SFTPB: variants seen among roughly 807,000 people sequenced by gnomAD.
SFTPB encodes the protein pulmonary surfactant-associated protein B.
Under a neutral mutation model 51.0 loss-of-function variants are expected in SFTPB, and 32 were observed. The ratio of observed to expected loss-of-function variants is 0.63; its 90% CI spans 0.47 to 0.84. The LOEUF (loss-of-function observed/expected upper bound fraction) is 0.84. Among genes scored for constraint, SFTPB ranks in the 40% least tolerant of loss-of-function variants. The pLI, the probability that SFTPB is intolerant of heterozygous loss-of-function variation, is 0.00. For synonymous variants in SFTPB, 211 were observed against 208.5 expected, an observed-to-expected ratio of 1.01 and a Z score of -0.10; for missense variants, 431 against 491.2, an observed-to-expected ratio of 0.88 and a Z score of 1.16.
At chr2:85,666,863 G>C in intron 3 of SFTPB, 121 bp from the exon 4 acceptor site, 1 of 1,306,064 alleles carries the variant, frequency 7.7e-7, no homozygotes, top group Non-Finnish European at 1.1e-6. Context: ...TGGAGTTCAC[G>C]AGTGCCAAGG....
At chr2:85,663,261 G>A (rs1395483528) in intron 8 of SFTPB, 85 bp downstream of exon 8, 1 of 1,568,928 alleles carries the variant, frequency 6.4e-7, no homozygotes, top group Admixed American at 1.7e-5. Context: ...CATCCTAGGT[G>A]TCTCTGGCTG....
chr2:85,664,159 G>T (rs2104403494), intron 6 of SFTPB, among the ~76,000 whole-genome samples: 1 of 152,268 alleles, frequency 6.6e-6, no homozygotes, highest in African/African-American at 2.4e-5. Flanking sequence ...TCAGCTGCTT[G>T]CCTGACTCTC....
At chr2:85,665,228 G>C in intron 6 of SFTPB, 61 bp downstream of exon 6, 4 of 1,219,284 alleles carry the variant, frequency 3.3e-6, no homozygotes, top group South Asian at 2.4e-5. Flanking sequence ...AGAGGTGGGA[G>C]CTGCAGGGAG....
In SFTPB at chr2:85,665,770, G is replaced by T; in HGVS notation, c.418C>A (p.Leu140Met). The change falls in exon 5 of 11, where the codon CTG becomes ATG. Residue 140 changes from leucine to methionine, a missense_variant. Transcript: ENST00000519937. ...QTDSNGICMHLGLCKSRQPEP... is the reference protein window; with the variant it reads ...QTDSNGICMHMGLCKSRQPEP... Reference sequence around the variant, plus strand: ...GGCTGCCGGGATTTGCACAGGCCCAGGTGCATACAGATGCCGTTTGAGTCC... The same window carrying T: ...GGCTGCCGGGATTTGCACAGGCCCATGTGCATACAGATGCCGTTTGAGTCC... 1 of 1,614,236 alleles carries T rather than the reference G, an allele frequency of 6.2e-7. No homozygotes were observed. The highest frequency in any genetic ancestry group is 8.5e-7 in the Non-Finnish European group (1 of 1,180,042).
At chr2:85,663,624 G>A (rs769251748) in intron 7 of SFTPB, 40 bp downstream of exon 7, 1 of 1,596,258 alleles carries the variant, frequency 6.3e-7, no homozygotes, top group Non-Finnish European at 8.5e-7. Context: ...GGGGGAGGAG[G>A]AGAGCAGGCA....
intron 9 of SFTPB, 136 bp from the exon 10 acceptor site, chr2:85,661,671 G>T: frequency 1.4e-6 from 1 of 718,678 alleles, no homozygotes; most frequent in Non-Finnish European, 2.4e-6. Context: ...GACCCCTCGG[G>T]CCACTCCCTG....
At position 85,663,612 on chromosome 2, in the gene SFTPB, T is replaced by C; in HGVS notation, c.856+52A>G. The stretch of plus-strand genomic sequence containing the variant: ...GGGAGAGGGTCATGCAGTGGCAGGG[T>C]AGGGGGAGGAGGAGAGCAGGCATTG... On this transcript the variant is annotated intron_variant, in intron 7 of 10. Coordinates refer to ENST00000519937, the MANE Select transcript of SFTPB (RefSeq NM_000542.5). The C allele has an allele frequency of 2.5e-6, 4 of 1,575,966 alleles. No homozygotes were observed. The South Asian group carries it at 3.4e-5, about 14-fold the overall frequency.
chr2:85,665,933 G>C (rs1228673925), intron 4 of SFTPB, 139 bp from the exon 5 acceptor site: 1 of 769,978 alleles, frequency 1.3e-6, no homozygotes, highest in South Asian at 1.7e-5. Context: ...AACTCTATGT[G>C]GGGGGACAAA....
At chr2:85,667,645 C>A (rs775185890) in intron 2 of SFTPB, 34 bp downstream of exon 2, 2 of 1,614,160 alleles carry the variant, frequency 1.2e-6, no homozygotes, top group Non-Finnish European at 1.7e-6. Context: ...TCATTTCAGA[C>A]CCCCAGTTGC....
chr2:85,665,042 C>A (rs556811625), intron 6 of SFTPB, among the ~76,000 whole-genome samples: 1 of 152,286 alleles, frequency 6.6e-6, no homozygotes, highest in African/African-American at 2.4e-5. Flanking sequence ...TGGCTCCTGG[C>A]GTGGCACCTC....
intron 6 of SFTPB, among the ~76,000 whole-genome samples, 175 bp from the exon 7 acceptor site, chr2:85,664,022 G>A (rs1677453382): frequency 6.6e-6 from 1 of 152,174 alleles, no homozygotes. Context: ...GGATGCAGGG[G>A]ACTCACACAG....
chr2:85,662,485 G>C (rs1057061969), intron 8 of SFTPB, among the ~76,000 whole-genome samples: 1 of 152,148 alleles, frequency 6.6e-6, no homozygotes, highest in African/African-American at 2.4e-5. Flanking sequence ...GCACAGTGTG[G>C]ACAGCTGCCT....
rs1377135317 is a variant in SFTPB, at chr2:85,663,726, A to G, written c.794T>C (p.Met265Thr). The G allele has an allele frequency of 6.2e-7, 1 of 1,611,964 alleles. No individual in the cohort carries two copies. Among genetic ancestry groups the G allele is most frequent in the Non-Finnish European group, 8.5e-7 (1 of 1,179,364 alleles). Residue 265 changes from methionine to threonine, a missense_variant, in exon 7 of 11, where the codon ATG becomes ACG. By Grantham distance (81) the Met-to-Thr change is moderately conservative (BLOSUM62 -1). Coordinates refer to ENST00000519937, the MANE Select transcript of SFTPB (RefSeq NM_000542.5). ...GAGGCGGCAGACCAGCTGGGGCAGC[A>G]TGCGGCCCAGCAGCGTGTCGAGCAG... ...VILLDTLLGR[M>T]LPQLVCRLVL...
At position 85,668,101 on chromosome 2, in the gene SFTPB, G is replaced by A. The variant is rs1677745752; in HGVS notation, c.67+16C>T. On this transcript the variant is annotated intron_variant, in intron 1 of 10. Transcript: ENST00000519937. ...GGTGGAGCTGCCTAGGAGAGGGGAG[G>A]CTGGGGGAGACTCACCAGTGCCTGG... is the stretch of plus-strand genomic sequence containing the variant. 1.3e-6 allele frequency: 2 copies of A among 1,540,864 alleles called. No homozygotes were observed. Among genetic ancestry groups the A allele is most frequent in the East Asian group, 2.4e-5 (1 of 40,842 alleles).
At chr2:85,660,596 C>A (rs192560953) in intron 10 of SFTPB, among the ~76,000 whole-genome samples, 10 of 151,852 alleles carry the variant, frequency 6.6e-5, no homozygotes, top group Admixed American at 2.0e-4. Flanking sequence ...ATTACAGGCA[C>A]CTGCCACCAT....
chr2:85,663,420 C>G lies in SFTPB; in HGVS notation c.928G>C (p.Gly310Arg), dbSNP rs201986026. 4 of 1,613,900 alleles carry G rather than the reference C, an allele frequency of 2.5e-6. No homozygotes were observed. Residue 310 changes from glycine to arginine, a missense_variant, in exon 8 of 11, where the codon GGG becomes CGG. By Grantham distance (125) the Gly-to-Arg change is moderately radical. Transcript: ENST00000519937. ...HLCMSVTTQA[G>R]NSSEQAIPQA... ...GGTATGGCCTGCTCGCTGCTGTTCC[C>G]GGCCTGGGTGGTCACGGACATGCAG...
upstream of SFTPB, chr2:85,668,343 GC>G: frequency 1.4e-6 from 1 of 692,708 alleles, no homozygotes; most frequent in Non-Finnish European, 2.6e-6. Context: ...GAACACTCCT[GC>G]CTGCCTTACC....
At position 85,668,156 on chromosome 2, in the gene SFTPB, G is replaced by A. The variant is rs1444591240; in HGVS notation, c.28C>T (p.Leu10=). Residue 10 remains leucine, a synonymous_variant, in exon 1 of 11, where the codon CTG becomes TTG. Coordinates refer to ENST00000519937, the MANE Select transcript of SFTPB (RefSeq NM_000542.5). MAESHLLQW[L]LLLLPTLCGP... ...CAGAGCGTGGGCAGCAGCAGCAGCA[G>A]CCACTGCAGCAGGTGTGACTCAGCC... 9.0e-6 allele frequency: 14 copies of A among 1,551,520 alleles called. No homozygotes were observed. Among genetic ancestry groups the A allele is most frequent in the Non-Finnish European group, 1.2e-5 (14 of 1,146,902 alleles).
intron 3 of SFTPB, 99 bp from the exon 4 acceptor site, chr2:85,666,841 C>A: frequency 6.6e-7 from 1 of 1,510,976 alleles, no homozygotes; most frequent in East Asian, 2.3e-5. Flanking sequence ...GACCCCTAAT[C>A]CCCCAGGGTG....
Sources: gnomAD v4.1 joint callset for allele counts (sites outside exome capture counted in the v4.1 genomes callset) on GRCh38, gnomAD v4.1.1 for gene constraint, MANE v1.5 for transcripts, NCBI Gene and HGNC (gene_info 2026-07-23, HGNC 2026-07-21) for gene names.